Variants in PARD6G observed in about 807,000 individuals in gnomAD.
PARD6G encodes partitioning defective 6 homolog gamma.
In PARD6G, 7 loss-of-function variants were observed where a neutral mutation model predicts 10.7. The ratio of observed to expected loss-of-function variants is 0.66; its 90% CI spans 0.37 to 1.23. The LOEUF (loss-of-function observed/expected upper bound fraction) is 1.23. Among genes scored for constraint, PARD6G ranks in the 50% most tolerant of loss-of-function variants. PARD6G has a pLI of 0.02. For synonymous variants in PARD6G, 287 were observed against 269.4 expected (o/e 1.07, Z -0.64); for missense variants, 548 against 571.8 (o/e 0.96, Z 0.42).
intron 1 of PARD6G, among the ~76,000 whole-genome samples, chr18:80,207,908 G>T (rs919180178): frequency 2.0e-5 from 3 of 152,140 alleles, no homozygotes; most frequent in Non-Finnish European, 4.4e-5. Flanking sequence ...ATGGGAAGAA[G>T]AAATCAAAGA....
At position 80,246,018 on chromosome 18, in the gene PARD6G, A is replaced by C. The variant is rs1414900932; in HGVS notation, c.72+1259T>G. Among the ~76,000 whole-genome samples the C allele has an allele frequency of 6.6e-6, 1 of 152,098 alleles. No individual in the cohort carries two copies. Among genetic ancestry groups the C allele is most frequent in the Non-Finnish European group, 1.5e-5 (1 of 67,996 alleles). On this transcript the variant is annotated intron_variant, in intron 1 of 2. Transcript: ENST00000353265. The surrounding 1 kb of genome is among the most constrained non-coding windows in gnomAD (Gnocchi z 6.7). ...ACACCTCCCCGCCTCAATCCTCTGCAGACACCCTGGAAATCCTACTCCAAA... is the reference window on the plus strand; with the variant it reads ...ACACCTCCCCGCCTCAATCCTCTGCCGACACCCTGGAAATCCTACTCCAAA...
At chr18:80,223,581 G>T (rs567360821) in intron 1 of PARD6G, among the ~76,000 whole-genome samples, 1 of 152,196 alleles carries the variant, frequency 6.6e-6, no homozygotes, top group Non-Finnish European at 1.5e-5. Context: ...TGATAAGAAC[G>T]TGTGGGAATC....
At chr18:80,232,471 G>A (rs1377108369) in intron 1 of PARD6G, among the ~76,000 whole-genome samples, 6 of 152,080 alleles carry the variant, frequency 3.9e-5, no homozygotes, top group Non-Finnish European at 1.5e-5. Context: ...CATGGTGGGA[G>A]GTGAAAGGCA....
chr18:80,159,627 G>GT lies in PARD6G; in HGVS notation c.*143dup. 1 of 1,228,680 alleles carries GT rather than the reference G, an allele frequency of 8.1e-7. No homozygotes were observed. Among genetic ancestry groups the GT allele is most frequent in the South Asian group, 2.7e-5 (1 of 37,332 alleles). The allele number at this position is 1,228,680 out of a possible 1,614,324, so 76.1% of individuals were successfully genotyped here. On this transcript the variant is annotated 3_prime_UTR_variant, in exon 3 of 3. Coordinates refer to ENST00000353265, the MANE Select transcript of PARD6G (RefSeq NM_032510.4). Reference sequence around the variant, plus strand: ...TTCTATAAAAATAGGCAATACTTGTGTTTTTATATCCGGAAGTTGAAACAA... The same window carrying GT: ...TTCTATAAAAATAGGCAATACTTGTGTTTTTTATATCCGGAAGTTGAAACAA...
intron 1 of PARD6G, among the ~76,000 whole-genome samples, chr18:80,211,820 T>C (rs752784525): frequency 7.9e-5 from 12 of 152,186 alleles, no homozygotes; most frequent in Non-Finnish European, 1.6e-4. Flanking sequence ...CAATACTGTA[T>C]GATTCCACTT....
Position 80,183,270 on chromosome 18 carries a change from T to C in PARD6G, c.295+19440A>G. 8.8e-6 allele frequency: 6 copies of C among 682,608 alleles called. No individual in the cohort carries two copies. The highest frequency in any genetic ancestry group is 1.6e-5 in the Non-Finnish European group (6 of 373,630). The allele number at this position is 682,608 out of a possible 1,614,324, so 42.3% of individuals were successfully genotyped here. On this transcript the variant is annotated intron_variant, in intron 2 of 2. Coordinates refer to ENST00000353265, the MANE Select transcript of PARD6G (RefSeq NM_032510.4). The surrounding 1 kb of genome is among the most constrained non-coding windows in gnomAD (Gnocchi z 4.5). ...AGGCATGGAGAAGAGCAAAGCCGCA[T>C]ACAGGCATAGTGGAAAAGTACGCTG...
intron 2 of PARD6G, among the ~76,000 whole-genome samples, chr18:80,185,840 A>G (rs1210680251): frequency 2.8e-5 from 4 of 145,058 alleles, no homozygotes; most frequent in African/African-American, 7.8e-5. Flanking sequence ...TCACACACGC[A>G]TGCACCCACA....
rs1378496341 is a variant in PARD6G, at chr18:80,158,271, C to G, written c.*1500G>C. The stretch of plus-strand genomic sequence containing the variant: ...GAAAATTAGCATGTATTGTGACTTA[C>G]TAAAAGAAACGTCTGTTTCAGAAAA... On this transcript the variant is annotated 3_prime_UTR_variant, in exon 3 of 3. Coordinates refer to ENST00000353265, the MANE Select transcript of PARD6G (RefSeq NM_032510.4). The G allele has an allele frequency of 6.6e-6, 1 of 152,228 alleles. No homozygotes were observed. The highest frequency in any genetic ancestry group is 2.4e-5 in the African/African-American group (1 of 41,448). 9.4% of individuals were successfully genotyped at this position (152,228 alleles called of 1,614,324 possible). A position where few individuals can be genotyped will look rare whatever the true frequency, so the allele number is the denominator to read the frequency against.
At chr18:80,204,574 C>T (rs946784796) in intron 1 of PARD6G, among the ~76,000 whole-genome samples, 2 of 151,688 alleles carry the variant, frequency 1.3e-5, no homozygotes, top group African/African-American at 4.8e-5. Flanking sequence ...GCAAAACAAA[C>T]CTCTCATCCA....
intron 1 of PARD6G, among the ~76,000 whole-genome samples, chr18:80,241,019 A>C (rs1967484072): frequency 6.6e-6 from 1 of 152,226 alleles, no homozygotes; most frequent in Admixed American, 6.5e-5. Context: ...GCTACTGAAT[A>C]GAGGACTTCC....
Position 80,182,011 on chromosome 18 carries a change from T to A in PARD6G, c.295+20699A>T, listed in dbSNP as rs2052851022. Among the ~76,000 whole-genome samples, 1 of 152,166 alleles carries A rather than the reference T, an allele frequency of 6.6e-6. No individual in the cohort carries two copies. Among genetic ancestry groups the A allele is most frequent in the Non-Finnish European group, 1.5e-5 (1 of 68,036 alleles). On this transcript the variant is annotated intron_variant, in intron 2 of 2. Transcript: ENST00000353265. This position sits in a 1 kb window ranked among gnomAD's most constrained non-coding sequence, Gnocchi z 4.5. ...CGCAGGCCTCGTGTTCAACTCCTCA[T>A]CTTGCCACCTGCTTTTGTTACGCAA...
intron 1 of PARD6G, among the ~76,000 whole-genome samples, chr18:80,243,194 A>G (rs1477972154): frequency 6.6e-6 from 1 of 152,202 alleles, no homozygotes; most frequent in Non-Finnish European, 1.5e-5. Flanking sequence ...TTTACTGTGG[A>G]AAAAATTGGG....
At chr18:80,193,902 C>G (rs554536820) in intron 2 of PARD6G, among the ~76,000 whole-genome samples, 44 of 152,248 alleles carry the variant, frequency 2.9e-4, no homozygotes, top group African/African-American at 7.5e-4. Context: ...CAAAAACAGT[C>G]GGGATTTCTG....
intron 1 of PARD6G, among the ~76,000 whole-genome samples, chr18:80,227,372 T>C (rs1967303245): frequency 6.6e-6 from 1 of 152,200 alleles, no homozygotes; most frequent in African/African-American, 2.4e-5. Context: ...TCCATGTCCC[T>C]TATAGAGCAA....
chr18:80,195,530 T>A (rs1172733441), intron 2 of PARD6G, among the ~76,000 whole-genome samples: 2 of 132,932 alleles, frequency 1.5e-5, no homozygotes, highest in African/African-American at 5.6e-5. Flanking sequence ...TCCCACACAA[T>A]AAGAGTCTTC....
In PARD6G at chr18:80,243,047, C is replaced by T. The variant is rs905824635; in HGVS notation, c.72+4230G>A. ...TACGTGCCTTTCCCAGGTGATGTCACTTCCAGGAATTTGTTCTAAAGATCA... is the reference window on the plus strand; with the variant it reads ...TACGTGCCTTTCCCAGGTGATGTCATTTCCAGGAATTTGTTCTAAAGATCA... On this transcript the variant is annotated intron_variant, in intron 1 of 2. Coordinates refer to ENST00000353265, the MANE Select transcript of PARD6G (RefSeq NM_032510.4). Among the ~76,000 whole-genome samples, 6 of 152,304 alleles carry T rather than the reference C, an allele frequency of 3.9e-5. No homozygotes were observed. In the East Asian group the frequency reaches 9.6e-4, roughly 24 times the overall value.
At chr18:80,220,590 C>G (rs924570109) in intron 1 of PARD6G, among the ~76,000 whole-genome samples, 6 of 151,888 alleles carry the variant, frequency 4.0e-5, no homozygotes, top group African/African-American at 1.2e-4. Context: ...TATATGGGAA[C>G]TCTCTGCAAT....
chr18:80,202,944 G>A lies in PARD6G; in HGVS notation c.73-12C>T. On this transcript the variant is annotated splice_polypyrimidine_tract_variant and intron_variant, in intron 1 of 2. Transcript: ENST00000353265. ...AATTCCGCCCCAAACTACAATGCAA[G>A]AGACGGGGTGGGGGGAGGGGCATTA... is the stretch of plus-strand genomic sequence containing the variant. The A allele has an allele frequency of 2.1e-6, 1 of 482,748 alleles. No homozygotes were observed. Among genetic ancestry groups the A allele is most frequent in the Non-Finnish European group, 3.9e-6 (1 of 258,480 alleles). 29.9% of individuals were successfully genotyped at this position (482,748 alleles called of 1,614,324 possible).
At chr18:80,178,638 C>T (rs2052830271) in intron 2 of PARD6G, among the ~76,000 whole-genome samples, 2 of 152,232 alleles carry the variant, frequency 1.3e-5, no homozygotes, top group Non-Finnish European at 2.9e-5. Flanking sequence ...TCCCTAGCAA[C>T]GCCGACTCTC....
Sources: allele counts gnomAD v4.1 joint callset (sites outside exome capture counted in the v4.1 genomes callset), GRCh38; gene constraint gnomAD v4.1.1; non-coding constraint Gnocchi (gnomAD v3.1); transcripts MANE v1.5; gene names NCBI Gene and HGNC (gene_info 2026-07-23, HGNC 2026-07-21).